Variants in CPHXL observed in about 807,000 individuals in gnomAD.
CPHXL encodes cytoplasmic polyadenylated homeobox-like protein.
At chr16:75,719,648 G>A (rs1354282196) in intron 1 of CPHXL, among the ~76,000 whole-genome samples, 2 of 152,176 alleles carry the variant, frequency 1.3e-5, no homozygotes, top group African/African-American at 2.4e-5. Context: ...AAGGAGGCCT[G>A]CCTGCCTCTC....
intron 1 of CPHXL, among the ~76,000 whole-genome samples, chr16:75,723,617 G>A (rs1959509633): frequency 6.6e-6 from 1 of 152,238 alleles, no homozygotes; most frequent in African/African-American, 2.4e-5. Flanking sequence ...CAAACAAATG[G>A]AAGAACATTC....
intron 2 of CPHXL, 148 bp downstream of exon 2, chr16:75,718,117 C>A: frequency 2.6e-6 from 1 of 385,736 alleles, no homozygotes; most frequent in Non-Finnish European, 4.6e-6. Flanking sequence ...ACTCAGGGGA[C>A]TGAGGTGGGG....
At chr16:75,725,611 C>A (rs537029898) in intron 1 of CPHXL, among the ~76,000 whole-genome samples, 61 of 152,132 alleles carry the variant, frequency 4.0e-4, no homozygotes, top group African/African-American at 1.4e-3. Context: ...CGCCACCACA[C>A]CCTGCTAATT....
intron 1 of CPHXL, among the ~76,000 whole-genome samples, chr16:75,718,912 T>C (rs1597220483): frequency 6.6e-6 from 1 of 152,150 alleles, no homozygotes; most frequent in African/African-American, 2.4e-5. Flanking sequence ...AACTGATCTA[T>C]ACTGATTGGA....
At chr16:75,725,233 A>T (rs1567530334) in intron 1 of CPHXL, among the ~76,000 whole-genome samples, 2 of 152,088 alleles carry the variant, frequency 1.3e-5, no homozygotes, top group African/African-American at 4.8e-5. Context: ...TATGTAACTA[A>T]CCTGCACATT....
intron 1 of CPHXL, among the ~76,000 whole-genome samples, chr16:75,720,056 G>A (rs1959452924): frequency 6.6e-6 from 1 of 152,132 alleles, no homozygotes; most frequent in Non-Finnish European, 1.5e-5. Flanking sequence ...ACTGTTAGAA[G>A]GAAAACTAAC....
At chr16:75,718,626 G>A (rs1339432916) in intron 1 of CPHXL, among the ~76,000 whole-genome samples, 168 bp from the exon 2 acceptor site, 1 of 152,160 alleles carries the variant, frequency 6.6e-6, no homozygotes, top group Non-Finnish European at 1.5e-5. Context: ...AATGAAAGCA[G>A]GAATTGGCTA....
At chr16:75,722,234 A>G (rs935044482) in intron 1 of CPHXL, among the ~76,000 whole-genome samples, 3 of 152,212 alleles carry the variant, frequency 2.0e-5, no homozygotes, top group African/African-American at 7.2e-5. Context: ...AGCTAGCAGA[A>G]GGCAAGAAAT....
chr16:75,726,378 G>C (rs1209064331), intron 1 of CPHXL, 40 bp downstream of exon 1: 1 of 398,412 alleles, frequency 2.5e-6, no homozygotes, highest in Non-Finnish European at 4.4e-6. Flanking sequence ...AAAAAGCAAG[G>C]GAAGTAGCAT....
At chr16:75,716,591 C>T (rs866084047) in intron 2 of CPHXL, among the ~76,000 whole-genome samples, 2 of 152,226 alleles carry the variant, frequency 1.3e-5, no homozygotes, top group Admixed American at 1.3e-4. Context: ...GGAACTTCCA[C>T]ACGTTCAAGT....
chr16:75,721,746 A>G (rs906711906), intron 1 of CPHXL, among the ~76,000 whole-genome samples: 3 of 152,204 alleles, frequency 2.0e-5, no homozygotes, highest in Non-Finnish European at 2.9e-5. Flanking sequence ...CTCTGCACCA[A>G]GCGGACCTAA....
intron 1 of CPHXL, among the ~76,000 whole-genome samples, chr16:75,723,741 G>GA (rs529868479): frequency 4.9e-4 from 75 of 152,076 alleles, no homozygotes; most frequent in African/African-American, 1.7e-3. Flanking sequence ...CACAGAATTG[G>GA]AAAAAACTAC....
intron 2 of CPHXL, 55 bp downstream of exon 2, chr16:75,718,210 C>T (rs921060276): frequency 2.5e-6 from 1 of 396,886 alleles, no homozygotes; most frequent in Non-Finnish European, 4.4e-6. Context: ...AGGAGTGAGA[C>T]CTTGTCTAAA....
At chr16:75,718,686 G>C (rs1407005379) in intron 1 of CPHXL, among the ~76,000 whole-genome samples, 1 of 152,186 alleles carries the variant, frequency 6.6e-6, no homozygotes, top group Non-Finnish European at 1.5e-5. Context: ...TTTGTAAATA[G>C]AGTTTTATCG....
rs529119153 is a variant in CPHXL at position 75,715,872 on chromosome 16, A to AT, written c.220-651dup. Among the ~76,000 whole-genome samples, 363 of 151,344 alleles carry AT rather than the reference A, an allele frequency of 2.4e-3. 1 individual carries two copies. The highest frequency in any genetic ancestry group is 3.5e-3 in the Non-Finnish European group (240 of 67,826). On this transcript the variant is annotated intron_variant, in intron 2 of 2. Coordinates refer to ENST00000640559, the MANE Select transcript of CPHXL (RefSeq NM_001355613.1). ...ACCATGCCCGGCTAATTTTTTTTGT[A>AT]TTTTTAGTAGAGACGGGGTTTCGCT...
intron 1 of CPHXL, among the ~76,000 whole-genome samples, chr16:75,719,548 C>A (rs943994754): frequency 6.6e-6 from 1 of 151,802 alleles, no homozygotes; most frequent in Non-Finnish European, 1.5e-5. Context: ...TGGCAGCGAG[C>A]CTGGAGGAGG....
rs1959372919 is a variant in CPHXL, at chr16:75,715,188, G to A, written c.254C>T (p.Pro85Leu). The A allele has an allele frequency of 5.0e-6, 2 of 398,908 alleles. No individual in the cohort carries two copies. Among genetic ancestry groups the A allele is most frequent in the East Asian group, 7.1e-5 (2 of 28,084 alleles). 24.7% of individuals were successfully genotyped at this position (398,908 alleles called of 1,614,324 possible). ...WFQNKRARLP[P>L]AERRRIFVLQ... ...AACAAATATTCTGCGTCTTTCTGCA[G>A]GTGGAAGTCTGGCTCTTTTATTCTG... is the stretch of plus-strand genomic sequence containing the variant. The change falls in exon 3 of 3, where the codon CCT becomes CTT. Residue 85 changes from proline to leucine, a missense_variant. Pro to Leu is a moderately conservative substitution (Grantham distance 98). Transcript: ENST00000640559.
intron 1 of CPHXL, among the ~76,000 whole-genome samples, chr16:75,719,253 G>A (rs937486772): frequency 2.0e-5 from 3 of 152,176 alleles, no homozygotes; most frequent in African/African-American, 4.8e-5. Context: ...TTGGGAAGTG[G>A]GTACAGGAGA....
At chr16:75,716,663 A>G (rs1030559399) in intron 2 of CPHXL, among the ~76,000 whole-genome samples, 1 of 152,120 alleles carries the variant, frequency 6.6e-6, no homozygotes, top group East Asian at 1.9e-4. Context: ...TTGTATGGTC[A>G]TGATTGATTA....
Sources: allele counts gnomAD v4.1 joint callset (sites outside exome capture counted in the v4.1 genomes callset), GRCh38; gene constraint gnomAD v4.1.1; transcripts MANE v1.5; gene names NCBI Gene and HGNC (gene_info 2026-07-23, HGNC 2026-07-21).